Variants in TBC1D22A observed in about 807,000 individuals in gnomAD.
TBC1D22A encodes the protein putative GTPase activator.
Under a neutral mutation model 60.2 loss-of-function variants are expected in TBC1D22A, and 38 were observed. That is an observed-to-expected ratio of 0.63 (90% confidence interval 0.49 to 0.83). TBC1D22A has a LOEUF of 0.83. TBC1D22A is among the 40% of genes least tolerant of loss of function. The probability of loss-of-function intolerance (pLI) is 0.00; values close to 1 mark genes in which losing one functional copy is unlikely to be tolerated. For missense variants in TBC1D22A, 628 were observed against 701.0 expected, an observed-to-expected ratio of 0.90 and a Z score of 1.18; for synonymous variants, 302 against 281.7, an observed-to-expected ratio of 1.07 and a Z score of -0.72.
intron 8 of TBC1D22A, among the ~76,000 whole-genome samples, chr22:46,929,990 T>TTGCAA (rs982648383): frequency 5.9e-5 from 9 of 152,288 alleles, no homozygotes; most frequent in African/African-American, 2.2e-4. Context: ...ATGCAGTGCC[T>TTGCAA]GAGTCAGCAT....
At chr22:46,902,965 G>T (rs965312773) in intron 7 of TBC1D22A, among the ~76,000 whole-genome samples, 1 of 151,038 alleles carries the variant, frequency 6.6e-6, no homozygotes, top group Admixed American at 6.6e-5. Flanking sequence ...GAAAGAATTG[G>T]AGAAGACAGC....
At position 46,762,857 on chromosome 22, in the gene TBC1D22A, G is replaced by A; in HGVS notation, c.62+9G>A. On this transcript the variant is annotated intron_variant, in intron 1 of 12. Coordinates refer to ENST00000337137, the MANE Select transcript of TBC1D22A (RefSeq NM_014346.5). ...AGCAAGCTCCCGGGCAGGTGGGTGT[G>A]CCGCGGAGGGCCAGGTCGGGGTCAG... 6.8e-7 allele frequency: 1 copy of A among 1,469,264 alleles called. No homozygotes were observed. Among genetic ancestry groups the A allele is most frequent in the South Asian group, 1.4e-5 (1 of 72,048 alleles). 91.0% of individuals were successfully genotyped at this position (1,469,264 alleles called of 1,614,324 possible). A position where few individuals can be genotyped will look rare whatever the true frequency, so the allele number is the denominator to read the frequency against.
intron 1 of TBC1D22A, among the ~76,000 whole-genome samples, chr22:46,791,888 G>A (rs1002581025): frequency 7.9e-5 from 12 of 152,120 alleles, no homozygotes; most frequent in Non-Finnish European, 1.3e-4. Context: ...AGCCTTCCCG[G>A]TAGCTAGGAT....
intron 7 of TBC1D22A, among the ~76,000 whole-genome samples, chr22:46,905,070 G>A (rs534755478): frequency 7.9e-5 from 12 of 152,232 alleles, no homozygotes; most frequent in African/African-American, 2.9e-4. Context: ...CACCGCGCCC[G>A]GCTGAGAAAA....
intron 12 of TBC1D22A, among the ~76,000 whole-genome samples, chr22:47,136,011 G>A (rs2066857892): frequency 6.6e-6 from 1 of 152,262 alleles, no homozygotes; most frequent in Non-Finnish European, 1.5e-5. Flanking sequence ...AGTTGCTCGG[G>A]TAGGAGTTTG....
At chr22:47,020,072 G>GATCC (rs1254175691) in intron 10 of TBC1D22A, among the ~76,000 whole-genome samples, 1 of 151,822 alleles carries the variant, frequency 6.6e-6, no homozygotes, top group African/African-American at 2.4e-5. Flanking sequence ...TCCATCCATC[G>GATCC]ATCCATCCAT....
intron 9 of TBC1D22A, among the ~76,000 whole-genome samples, chr22:46,979,002 A>G (rs575797941): frequency 1.3e-5 from 2 of 152,308 alleles, no homozygotes; most frequent in South Asian, 4.1e-4. Flanking sequence ...CTTAAAGGGT[A>G]GTTGTGATAT....
intron 7 of TBC1D22A, among the ~76,000 whole-genome samples, chr22:46,900,360 C>G (rs1389529199): frequency 6.6e-6 from 1 of 152,126 alleles, no homozygotes; most frequent in Non-Finnish European, 1.5e-5. Flanking sequence ...CCATCTTGGT[C>G]AGACTGGTCT....
chr22:46,904,138 T>TCTGCCTGC (rs1481229542), intron 7 of TBC1D22A, among the ~76,000 whole-genome samples: 64 of 55,334 alleles, frequency 1.2e-3, no homozygotes, highest in Admixed American at 9.4e-3. Context: ...TATCTATCTA[T>TCTGCCTGC]CTATCTACCT....
intron 12 of TBC1D22A, among the ~76,000 whole-genome samples, chr22:47,113,120 G>A (rs946189727): frequency 3.9e-5 from 6 of 152,234 alleles, no homozygotes; most frequent in African/African-American, 1.4e-4. Flanking sequence ...CCACTTACCT[G>A]TAGGGAGAAG....
chr22:46,797,674 AATAG>A, intron 4 of TBC1D22A, 54 bp downstream of exon 4: 2 of 1,507,704 alleles, frequency 1.3e-6, no homozygotes, highest in South Asian at 2.5e-5. Context: ...CTGTTTCTGA[AATAG>A]ATCACATCTT....
intron 4 of TBC1D22A, among the ~76,000 whole-genome samples, chr22:46,837,652 G>A (rs2086580390): frequency 6.6e-6 from 1 of 152,136 alleles, no homozygotes; most frequent in Admixed American, 6.5e-5. Flanking sequence ...GAAATTAAAG[G>A]GAAATAAAAA....
chr22:47,163,021 G>T (rs184220747), intron 12 of TBC1D22A, among the ~76,000 whole-genome samples: 19 of 152,336 alleles, frequency 1.2e-4, no homozygotes, highest in African/African-American at 4.6e-4. Context: ...ATACCCTTTG[G>T]CCCCGGAGAC....
intron 12 of TBC1D22A, among the ~76,000 whole-genome samples, chr22:47,114,010 C>T (rs967010174): frequency 6.6e-6 from 1 of 152,188 alleles, no homozygotes; most frequent in Admixed American, 6.5e-5. Flanking sequence ...TTGATGGCAG[C>T]CTTGACAGAT....
At chr22:46,799,725 G>T (rs2084814895) in intron 4 of TBC1D22A, among the ~76,000 whole-genome samples, 1 of 152,202 alleles carries the variant, frequency 6.6e-6, no homozygotes, top group South Asian at 2.1e-4. Flanking sequence ...GATTTTGTGG[G>T]ATGTCCCTTG....
chr22:47,161,924 T>G (rs1211680048), intron 12 of TBC1D22A, among the ~76,000 whole-genome samples: 1 of 152,204 alleles, frequency 6.6e-6, no homozygotes, highest in Admixed American at 6.5e-5. Context: ...TTCGGGGTGG[T>G]AGCAAGCCCC....
chr22:46,817,014 A>G (rs1014603364), intron 4 of TBC1D22A, among the ~76,000 whole-genome samples: 9 of 152,230 alleles, frequency 5.9e-5, no homozygotes, highest in African/African-American at 1.9e-4. Flanking sequence ...TAAAAAGAAC[A>G]TCTTGTATTG....
intron 12 of TBC1D22A, among the ~76,000 whole-genome samples, chr22:47,157,904 T>A (rs2067789669): frequency 6.6e-6 from 1 of 151,808 alleles, no homozygotes; most frequent in Non-Finnish European, 1.5e-5. Context: ...CCATGCTGGG[T>A]GTGAGGCAGG....
chr22:46,879,380 C>T (rs1188961258), intron 5 of TBC1D22A, among the ~76,000 whole-genome samples: 2 of 152,164 alleles, frequency 1.3e-5, no homozygotes, highest in East Asian at 1.9e-4. Flanking sequence ...TGGCCCTGCC[C>T]ACCATTTCAG....
Sources: allele counts gnomAD v4.1 joint callset (sites outside exome capture counted in the v4.1 genomes callset), GRCh38; gene constraint gnomAD v4.1.1; transcripts MANE v1.5; gene names NCBI Gene and HGNC (gene_info 2026-07-23, HGNC 2026-07-21).